The following NCK1 variants were observed in gnomAD, a reference collection of about 807,000 sequenced individuals.
NCK1 encodes SH2/SH3 adapter protein NCK1.
A neutral mutation model predicts 36.6 loss-of-function variants in NCK1; 19 were observed. The ratio of observed to expected loss-of-function variants is 0.52; its 90% CI spans 0.36 to 0.76. The LOEUF (loss-of-function observed/expected upper bound fraction) is 0.76. Ranked by LOEUF, NCK1 falls within the 30% of genes least tolerant of loss-of-function variation. The probability of loss-of-function intolerance (pLI) is 0.00; values close to 1 mark genes in which losing one functional copy is unlikely to be tolerated. For missense variants in NCK1, 358 were observed against 445.6 expected (o/e 0.80, Z 1.77); for synonymous variants, 165 against 156.0 (o/e 1.06, Z -0.43).
intron 1 of NCK1, among the ~76,000 whole-genome samples, chr3:136,910,234 G>A (rs962172699): frequency 2.6e-5 from 4 of 152,080 alleles, no homozygotes; most frequent in Middle Eastern, 6.8e-3. Context: ...ACTTTTTGTA[G>A]TTACCATGGG....
chr3:136,910,922 A>G (rs368377440), intron 1 of NCK1, among the ~76,000 whole-genome samples: 2 of 152,100 alleles, frequency 1.3e-5, no homozygotes, highest in East Asian at 3.8e-4. Context: ...ACACCTTCCC[A>G]TCCTGGCTTC....
In NCK1 at chr3:136,945,663, C is replaced by T. The variant is rs773344757; in HGVS notation, c.307C>T (p.Arg103Cys). The change falls in exon 3 of 4, where the codon CGT becomes TGT. Residue 103 changes from arginine to cysteine, a missense_variant. Around this residue, in one of 3 missense-constraint regions of NCK1, gnomAD observed 143 missense variants for 162.4 expected, o/e 0.88. Transcript: ENST00000481752. ...ADDSFVDPGE[R>C]LYDLNMPAYV... The stretch of plus-strand genomic sequence containing the variant: ...TGATAGTTTTGTTGACCCAGGGGAA[C>T]GTCTCTATGACCTCAACATGCCCGC... 31 of 1,613,942 alleles carry T rather than the reference C, an allele frequency of 1.9e-5. No homozygotes were observed. Among genetic ancestry groups the T allele is most frequent in the African/African-American group, 5.3e-5 (4 of 74,898 alleles).
intron 1 of NCK1, among the ~76,000 whole-genome samples, chr3:136,907,961 G>T (rs1368457566): frequency 6.6e-6 from 1 of 152,164 alleles, no homozygotes; most frequent in African/African-American, 2.4e-5. Context: ...GCAAGAGAGA[G>T]AACATCCTTA....
intron 1 of NCK1, among the ~76,000 whole-genome samples, chr3:136,896,167 A>G (rs1477671001): frequency 6.6e-6 from 1 of 152,196 alleles, no homozygotes; most frequent in African/African-American, 2.4e-5. Context: ...TCTTCTATCT[A>G]CTTTGAAATA....
At chr3:136,944,311 G>T (rs1429842430) in intron 2 of NCK1, among the ~76,000 whole-genome samples, 1 of 151,760 alleles carries the variant, frequency 6.6e-6, no homozygotes, top group Non-Finnish European at 1.5e-5. Context: ...TAGAGACGGG[G>T]TTTCACCATG....
At chr3:136,930,818 TAGAG>T (rs1279515014) in intron 2 of NCK1, among the ~76,000 whole-genome samples, 1 of 152,164 alleles carries the variant, frequency 6.6e-6, no homozygotes, top group African/African-American at 2.4e-5. Flanking sequence ...GTTTAACAAG[TAGAG>T]AAAGGATATA....
At chr3:136,918,174 T>C (rs1411956565) in intron 1 of NCK1, among the ~76,000 whole-genome samples, 2 of 152,174 alleles carry the variant, frequency 1.3e-5, no homozygotes, top group East Asian at 1.9e-4. Flanking sequence ...GTTGGCTAAA[T>C]GTATAGCTAG....
chr3:136,886,907 A>G (rs1939088882), intron 1 of NCK1, among the ~76,000 whole-genome samples: 1 of 150,662 alleles, frequency 6.6e-6, no homozygotes, highest in Admixed American at 6.6e-5. Flanking sequence ...GCAATGGCAC[A>G]ATCTCATCTC....
At chr3:136,937,253 G>A (rs562225196) in intron 2 of NCK1, among the ~76,000 whole-genome samples, 2 of 152,198 alleles carry the variant, frequency 1.3e-5, no homozygotes, top group Non-Finnish European at 2.9e-5. Flanking sequence ...TGGCACCATT[G>A]ATGAAAATCA....
rs75774739 is a variant in NCK1 at position 136,913,510 on chromosome 3, C to G, written c.-18-14474C>G. On this transcript the variant is annotated intron_variant, in intron 1 of 3. Transcript: ENST00000481752. ...CTAGAACTCCTAGGCTCAAGCAGTC[C>G]TCCCGCTTTGGCCTCTCAAAGTCTT... Among the ~76,000 whole-genome samples, 1,437 of 152,314 alleles carry G rather than the reference C, an allele frequency of 9.4e-3. 18 individuals are homozygous for G. The highest frequency in any genetic ancestry group is 0.013 in the Non-Finnish European group (903 of 68,036).
intron 1 of NCK1, among the ~76,000 whole-genome samples, chr3:136,882,969 AGTGCAGTGGT>A (rs1477684998): frequency 6.6e-6 from 1 of 152,198 alleles, no homozygotes; most frequent in Admixed American, 6.5e-5. Context: ...CCCAGGCTGG[AGTGCAGTGGT>A]GTGATCTCAG....
At chr3:136,866,438 G>A (rs963522218) in intron 1 of NCK1, among the ~76,000 whole-genome samples, 3 of 151,480 alleles carry the variant, frequency 2.0e-5, no homozygotes, top group African/African-American at 7.3e-5. Context: ...CTCCCTAGTA[G>A]CTGGGACTAC....
intron 2 of NCK1, among the ~76,000 whole-genome samples, chr3:136,937,151 T>G (rs1324907606): frequency 6.6e-6 from 1 of 152,212 alleles, no homozygotes; most frequent in African/African-American, 2.4e-5. Context: ...GATGTGAAGT[T>G]GGAGTCCAGT....
intron 2 of NCK1, among the ~76,000 whole-genome samples, chr3:136,932,416 C>T (rs1940416148): frequency 6.6e-6 from 1 of 152,064 alleles, no homozygotes; most frequent in Admixed American, 6.6e-5. Context: ...GTATTATGTG[C>T]TTTTTGTGTG....
In NCK1 at chr3:136,873,394, A is replaced by G. The variant is rs1190829237; in HGVS notation, c.-19+11041A>G. On this transcript the variant is annotated intron_variant, in intron 1 of 3. Transcript: ENST00000481752. ...CATTTGGAATGGCTGTATTTACCCA[A>G]TTCCTGTACCCCCATCTTATCTAGG... Among the ~76,000 whole-genome samples the G allele has an allele frequency of 2.6e-5, 4 of 152,232 alleles. No individual in the cohort carries two copies. The East Asian group carries it at 5.8e-4, about 22-fold the overall frequency.
Position 136,925,172 on chromosome 3 carries a change from A to C in NCK1, c.-18-2812A>C, listed in dbSNP as rs538203942. Among the ~76,000 whole-genome samples, 54 of 152,338 alleles carry C rather than the reference A, an allele frequency of 3.5e-4. 1 individual carries two copies. The South Asian group carries it at 0.011, about 31-fold the overall frequency. ...TAATGTAGTAGAATGCTATTTTTGT[A>C]CATTCTGGGGAGGACTAGATAATAT... On this transcript the variant is annotated intron_variant, in intron 1 of 3. Coordinates refer to ENST00000481752, the MANE Select transcript of NCK1 (RefSeq NM_001291999.2).
chr3:136,894,632 T>C (rs559666297), intron 1 of NCK1, among the ~76,000 whole-genome samples: 204 of 152,212 alleles, frequency 1.3e-3, no homozygotes, highest in Non-Finnish European at 2.3e-3. Flanking sequence ...TTTGAAACCA[T>C]TGAGGTACTG....
intron 1 of NCK1, among the ~76,000 whole-genome samples, chr3:136,879,189 T>C (rs1399920824): frequency 2.0e-5 from 3 of 150,640 alleles, no homozygotes; most frequent in Non-Finnish European, 4.4e-5. Context: ...GTAAAGGAGT[T>C]CTTTCATAAA....
At chr3:136,867,116 CTTTGTTTCTTTCT>C (rs1560028527) in intron 1 of NCK1, among the ~76,000 whole-genome samples, 426 of 28,232 alleles carry the variant, frequency 0.015, 22 homozygotes, top group East Asian at 0.043. Flanking sequence ...TTCTTTCTTT[CTTTGTTTCTTTCT>C]TTCCTTCCTT....
Sources: gnomAD v4.1 joint callset for allele counts (sites outside exome capture counted in the v4.1 genomes callset) on GRCh38, gnomAD v4.1.1 for gene constraint, gnomAD v4.1.1 regional missense constraint, MANE v1.5 for transcripts, NCBI Gene and HGNC (gene_info 2026-07-23, HGNC 2026-07-21) for gene names.